Variants in MMP16 observed in about 807,000 individuals in gnomAD.
MMP16 encodes matrix metallopeptidase 16, also known as matrix metalloproteinase-16.
MMP16 carries 12 observed loss-of-function variants against 67.8 expected under a neutral mutation model. That is an observed-to-expected ratio of 0.18 (90% confidence interval 0.11 to 0.29). The LOEUF is 0.29. MMP16 is among the 10% of genes least tolerant of loss of function. MMP16 has a pLI of 1.00. For synonymous variants in MMP16, 249 were observed against 255.9 expected (o/e 0.97, Z 0.26); for missense variants, 475 against 765.7 (o/e 0.62, Z 4.48).
chr8:88,099,856 T>C (rs1450721314), intron 6 of MMP16, among the ~76,000 whole-genome samples: 2 of 151,974 alleles, frequency 1.3e-5, no homozygotes, highest in African/African-American at 2.4e-5. Flanking sequence ...GCATTTTATA[T>C]AGGTAGAATT....
intron 8 of MMP16, among the ~76,000 whole-genome samples, 157 bp from the exon 9 acceptor site, chr8:88,046,941 C>G (rs1394406772): frequency 1.3e-5 from 2 of 152,154 alleles, no homozygotes; most frequent in African/African-American, 4.8e-5. Context: ...CTCCAACTGG[C>G]AAGCTCTTAT....
chr8:88,173,439 G>A (rs527724832), intron 3 of MMP16, among the ~76,000 whole-genome samples: 1 of 151,972 alleles, frequency 6.6e-6, no homozygotes, highest in Non-Finnish European at 1.5e-5. Flanking sequence ...ATCTAATCAG[G>A]TTACAAATAT....
intron 1 of MMP16, among the ~76,000 whole-genome samples, chr8:88,301,368 C>G (rs28986478): frequency 2.1e-3 from 327 of 152,262 alleles, no homozygotes; most frequent in Non-Finnish European, 3.6e-3. Flanking sequence ...TGAAGTTTAA[C>G]TGTCTGACCC....
intron 6 of MMP16, among the ~76,000 whole-genome samples, chr8:88,113,017 G>C (rs1809364231): frequency 1.3e-5 from 2 of 151,636 alleles, no homozygotes; most frequent in South Asian, 4.2e-4. Flanking sequence ...AATGCTTCAG[G>C]GATTTCATTT....
rs534780057 is a variant in MMP16, at chr8:88,262,697, A to G, written c.132+64378T>C. Among the ~76,000 whole-genome samples, 11 of 151,938 alleles carry G rather than the reference A, an allele frequency of 7.2e-5. No individual in the cohort carries two copies. The East Asian group carries it at 1.9e-3, about 27-fold the overall frequency. ...CTTTTCAAGTAATTGGCAATTTTGG[A>G]GTAAGTTAAAGTTTTTGAATTCAGG... On this transcript the variant is annotated intron_variant, in intron 1 of 9. Transcript: ENST00000286614.
At position 88,181,399 on chromosome 8, in the gene MMP16, T is replaced by A. The variant is rs567324320; in HGVS notation, c.404+5077A>T. Among the ~76,000 whole-genome samples the A allele has an allele frequency of 7.2e-5, 11 of 151,854 alleles. No individual in the cohort carries two copies. The East Asian group carries it at 2.1e-3, about 29-fold the overall frequency. On this transcript the variant is annotated intron_variant, in intron 3 of 9. Coordinates refer to ENST00000286614, the MANE Select transcript of MMP16 (RefSeq NM_005941.5). ...TTTCTATCTGCTAACAATAAACAAC[T>A]CAAATTTGATATGAAAAACATAATA...
At chr8:88,061,604 C>A (rs1808401036) in intron 7 of MMP16, among the ~76,000 whole-genome samples, 1 of 151,776 alleles carries the variant, frequency 6.6e-6, no homozygotes, top group Non-Finnish European at 1.5e-5. Context: ...ACCAGGATGC[C>A]CTGGTGCATG....
chr8:88,314,290 T>C (rs561410907), intron 1 of MMP16, among the ~76,000 whole-genome samples: 6 of 152,222 alleles, frequency 3.9e-5, no homozygotes, highest in African/African-American at 1.4e-4. Flanking sequence ...AATATAGTCA[T>C]AACAAATGTT....
chr8:88,313,411 T>C (rs1459637307), intron 1 of MMP16, among the ~76,000 whole-genome samples: 10 of 152,188 alleles, frequency 6.6e-5, no homozygotes, highest in Admixed American at 6.6e-4. Context: ...CCTTGTATTA[T>C]TTCTGACAGG....
At chr8:88,191,220 G>A (rs1809164720) in intron 2 of MMP16, among the ~76,000 whole-genome samples, 1 of 152,070 alleles carries the variant, frequency 6.6e-6, no homozygotes, top group Admixed American at 6.6e-5. Flanking sequence ...CCATACTGTA[G>A]AGTTACCTCG....
intron 1 of MMP16, among the ~76,000 whole-genome samples, chr8:88,201,928 A>G (rs949482118): frequency 2.0e-5 from 3 of 152,182 alleles, no homozygotes; most frequent in African/African-American, 7.2e-5. Flanking sequence ...TCGTCTAAAA[A>G]TGGCTATAAA....
At chr8:88,101,185 C>A (rs13269093) in intron 6 of MMP16, among the ~76,000 whole-genome samples, 12,740 of 151,758 alleles carry the variant, frequency 0.084, 751 homozygotes, top group Middle Eastern at 0.16. Flanking sequence ...AACTCAGGCT[C>A]AACAGTGGAG....
intron 4 of MMP16, among the ~76,000 whole-genome samples, chr8:88,150,707 A>T (rs1246691075): frequency 7.1e-6 from 1 of 139,940 alleles, no homozygotes; most frequent in Non-Finnish European, 1.5e-5. Context: ...GAGCTCCTGA[A>T]GGAAGCGCTA....
At chr8:88,070,962 G>T (rs893035769) in intron 7 of MMP16, among the ~76,000 whole-genome samples, 2 of 151,900 alleles carry the variant, frequency 1.3e-5, no homozygotes, top group South Asian at 2.1e-4. Flanking sequence ...ATTATATTCT[G>T]ATCTACCATA....
chr8:88,044,293 T>G (rs915687949), intron 9 of MMP16, among the ~76,000 whole-genome samples: 1 of 152,042 alleles, frequency 6.6e-6, no homozygotes, highest in Non-Finnish European at 1.5e-5. Flanking sequence ...CTGGGCACCA[T>G]AGTGAGATGA....
Position 88,036,215 on chromosome 8 carries a change from T to C in MMP16, c.*5246A>G, listed in dbSNP as rs561921446. 2 of 152,090 alleles carry C rather than the reference T, an allele frequency of 1.3e-5. No individual in the cohort carries two copies. The highest frequency in any genetic ancestry group is 4.1e-4 in the South Asian group (2 of 4,832). The allele number at this position is 152,090 out of a possible 1,614,324, so 9.4% of individuals were successfully genotyped here. On this transcript the variant is annotated 3_prime_UTR_variant, in exon 10 of 10. Transcript: ENST00000286614. ...TCAGATGTGTTTAAGCACAGTAACATCTAATGACCACTGGCTAAATATTAC... is the reference window on the plus strand; with the variant it reads ...TCAGATGTGTTTAAGCACAGTAACACCTAATGACCACTGGCTAAATATTAC...
chr8:88,259,149 T>C (rs1810348918), intron 1 of MMP16, among the ~76,000 whole-genome samples: 1 of 152,118 alleles, frequency 6.6e-6, no homozygotes. Flanking sequence ...TCTGTGTAAC[T>C]CCAGAGGTAA....
chr8:88,160,308 T>G (rs1808595685), intron 4 of MMP16, among the ~76,000 whole-genome samples: 15 of 152,022 alleles, frequency 9.9e-5, no homozygotes, highest in Admixed American at 9.9e-4. Context: ...AACTCATCAT[T>G]TTTTATGGCT....
At chr8:88,116,468 T>G in intron 6 of MMP16, 39 bp downstream of exon 6, 2 of 1,537,448 alleles carry the variant, frequency 1.3e-6, no homozygotes, top group Non-Finnish European at 1.8e-6. Flanking sequence ...ACTAGACACT[T>G]GATCTACTGT....
Sources: allele counts gnomAD v4.1 joint callset (sites outside exome capture counted in the v4.1 genomes callset), GRCh38; gene constraint gnomAD v4.1.1; transcripts MANE v1.5; gene names NCBI Gene and HGNC (gene_info 2026-07-23, HGNC 2026-07-21).